Variants in GRIK3 observed in about 807,000 individuals in gnomAD.
The protein encoded by GRIK3 is glutamate ionotropic receptor kainate type subunit 3, also known as glutamate receptor ionotropic, kainate 3.
A neutral mutation model predicts 102.5 loss-of-function variants in GRIK3; 29 were observed. The ratio of observed to expected loss-of-function variants is 0.28; its 90% CI spans 0.21 to 0.39. The LOEUF (loss-of-function observed/expected upper bound fraction) is 0.39. Among genes scored for constraint, GRIK3 ranks in the 10% least tolerant of loss-of-function variants. The pLI is 1.00. For synonymous variants in GRIK3, 511 were observed against 504.9 expected (o/e 1.01, Z -0.16); for missense variants, 908 against 1,252.4 (o/e 0.73, Z 4.15).
intron 2 of GRIK3, among the ~76,000 whole-genome samples, 198 bp from the exon 3 acceptor site, chr1:36,881,089 A>G (rs1291412074): frequency 6.6e-6 from 1 of 152,124 alleles, no homozygotes; most frequent in African/African-American, 2.4e-5. Context: ...GCAAGACCAC[A>G]TGAAGGTGGA....
intron 7 of GRIK3, among the ~76,000 whole-genome samples, chr1:36,856,111 CT>C (rs1640648386): frequency 6.6e-6 from 1 of 152,216 alleles, no homozygotes; most frequent in Admixed American, 6.5e-5. Flanking sequence ...GTAAAAGCCA[CT>C]GTTTATGACT....
chr1:36,945,007 G>T (rs1641767191), intron 1 of GRIK3, among the ~76,000 whole-genome samples: 2 of 152,188 alleles, frequency 1.3e-5, no homozygotes, highest in Admixed American at 1.3e-4. Context: ...TAGAGAGGCT[G>T]CCCCAGCCAT....
At chr1:36,813,186 G>A (rs550072183) in intron 13 of GRIK3, among the ~76,000 whole-genome samples, 2 of 152,328 alleles carry the variant, frequency 1.3e-5, no homozygotes, top group Non-Finnish European at 1.5e-5. Flanking sequence ...GGGATGTTAG[G>A]CAAGTCAGTT....
At chr1:36,852,413 A>G (rs1193787691) in intron 8 of GRIK3, among the ~76,000 whole-genome samples, 3 of 152,148 alleles carry the variant, frequency 2.0e-5, no homozygotes, top group African/African-American at 7.2e-5. Flanking sequence ...TCCAGGAGGG[A>G]GGGAGCATGA....
chr1:36,928,236 C>T (rs977850449), intron 1 of GRIK3, among the ~76,000 whole-genome samples: 2 of 152,180 alleles, frequency 1.3e-5, no homozygotes, highest in African/African-American at 4.8e-5. Flanking sequence ...ATTAAATTTA[C>T]CAGCTCTATT....
rs142790917 is a variant in GRIK3, at chr1:36,975,141, A to G, written c.115+58853T>C. 1.8e-4 allele frequency among the ~76,000 whole-genome samples: 28 copies of G among 152,298 alleles called. No homozygotes were observed. In the East Asian group the frequency reaches 5.4e-3, roughly 29 times the overall value. On this transcript the variant is annotated intron_variant, in intron 1 of 15. Transcript: ENST00000373091. ...AATCAGATACTTAAAAACTGTTAAAATGGTAATTTTTATGTTCTATATAGG... is the reference window on the plus strand; with the variant it reads ...AATCAGATACTTAAAAACTGTTAAAGTGGTAATTTTTATGTTCTATATAGG...
At chr1:36,902,527 A>G (rs1641242752) in intron 1 of GRIK3, among the ~76,000 whole-genome samples, 1 of 152,242 alleles carries the variant, frequency 6.6e-6, no homozygotes, top group Non-Finnish European at 1.5e-5. Flanking sequence ...GGACATCCAC[A>G]TGCAAAAAAG....
At chr1:36,944,882 T>C (rs1320506114) in intron 1 of GRIK3, among the ~76,000 whole-genome samples, 1 of 152,188 alleles carries the variant, frequency 6.6e-6, no homozygotes, top group African/African-American at 2.4e-5. Flanking sequence ...AGGAAGAGTC[T>C]AGCGAACAGT....
intron 1 of GRIK3, among the ~76,000 whole-genome samples, chr1:36,944,378 G>C (rs1263074191): frequency 6.6e-6 from 1 of 152,178 alleles, no homozygotes; most frequent in Non-Finnish European, 1.5e-5. Flanking sequence ...ATCCCCTCAG[G>C]CCGAAGGGGC....
At chr1:36,925,937 C>T (rs932621095) in intron 1 of GRIK3, among the ~76,000 whole-genome samples, 38 of 152,346 alleles carry the variant, frequency 2.5e-4, no homozygotes, top group African/African-American at 8.9e-4. Context: ...AAAGTCATCA[C>T]TCACTAATTC....
intron 1 of GRIK3, among the ~76,000 whole-genome samples, chr1:36,980,322 G>A (rs1642236451): frequency 6.6e-6 from 1 of 151,850 alleles, no homozygotes; most frequent in South Asian, 2.1e-4. Flanking sequence ...CCCACTTCCC[G>A]TGCTCTGCCC....
At chr1:36,817,899 T>A (rs1297625718) in intron 12 of GRIK3, among the ~76,000 whole-genome samples, 2 of 152,190 alleles carry the variant, frequency 1.3e-5, no homozygotes, top group Non-Finnish European at 2.9e-5. Flanking sequence ...TGCTATGCAG[T>A]GCTTTGCAGG....
chr1:36,874,666 GCA>G (rs1640893309), intron 3 of GRIK3, among the ~76,000 whole-genome samples: 1 of 152,184 alleles, frequency 6.6e-6, no homozygotes, highest in African/African-American at 2.4e-5. Flanking sequence ...GGTCCAGGGT[GCA>G]CAGTTTGCTC....
At chr1:36,910,126 C>T (rs1184376822) in intron 1 of GRIK3, among the ~76,000 whole-genome samples, 1 of 152,138 alleles carries the variant, frequency 6.6e-6, no homozygotes, top group African/African-American at 2.4e-5. Context: ...GCCAAGCAGC[C>T]CAGCTGGCCT....
At chr1:36,854,230 G>T (rs1640621811) in intron 7 of GRIK3, among the ~76,000 whole-genome samples, 1 of 152,212 alleles carries the variant, frequency 6.6e-6, no homozygotes, top group Admixed American at 6.5e-5. Context: ...GCGTCTGAAT[G>T]CTGGGTCCAA....
chr1:36,860,323 A>G (rs1640707608), intron 5 of GRIK3, among the ~76,000 whole-genome samples: 1 of 152,192 alleles, frequency 6.6e-6, no homozygotes, highest in Admixed American at 6.5e-5. Context: ...AGTTCACATA[A>G]AATACCCAGC....
In GRIK3 at chr1:36,801,778, G is replaced by A; in HGVS notation, c.*73C>T. Reference sequence around the variant, plus strand: ...GTCCCCAAGCCCAGTGCGGGGACAGGGGACGTTCCTTCCAATCTCCTTTGC... The same window carrying A: ...GTCCCCAAGCCCAGTGCGGGGACAGAGGACGTTCCTTCCAATCTCCTTTGC... On this transcript the variant is annotated 3_prime_UTR_variant, in exon 16 of 16. Transcript: ENST00000373091. 1 of 1,328,262 alleles carries A rather than the reference G, an allele frequency of 7.5e-7. No homozygotes were observed. The highest frequency in any genetic ancestry group is 1.0e-6 in the Non-Finnish European group (1 of 974,968). 82.3% of individuals were successfully genotyped at this position (1,328,262 alleles called of 1,614,324 possible).
Position 36,806,004 on chromosome 1 carries a change from C to T in GRIK3, c.2314+100G>A. ...AAGAGAAAACGTCACCTTTATCAGC[C>T]CCATGGAATGAGCTGTGAGACGGAG... On this transcript the variant is annotated intron_variant, in intron 14 of 15. Transcript: ENST00000373091. The surrounding 1 kb of genome is among the most constrained non-coding windows in gnomAD (Gnocchi z 4.0). 1.5e-6 allele frequency: 1 copy of T among 679,326 alleles called. No homozygotes were observed. Among genetic ancestry groups the T allele is most frequent in the Non-Finnish European group, 2.6e-6 (1 of 390,826 alleles). The allele number at this position is 679,326 out of a possible 1,614,324, so 42.1% of individuals were successfully genotyped here.
At chr1:36,879,881 C>T (rs1233279402) in intron 3 of GRIK3, among the ~76,000 whole-genome samples, 7 of 152,188 alleles carry the variant, frequency 4.6e-5, no homozygotes, top group Non-Finnish European at 8.8e-5. Context: ...CTGGTGCTGA[C>T]GTCTGCAAGC....
Sources: allele counts gnomAD v4.1 joint callset (sites outside exome capture counted in the v4.1 genomes callset), GRCh38; gene constraint gnomAD v4.1.1; non-coding constraint Gnocchi (gnomAD v3.1); transcripts MANE v1.5; gene names NCBI Gene and HGNC (gene_info 2026-07-23, HGNC 2026-07-21).